Variants in ZDHHC15 observed in about 807,000 individuals in gnomAD.
ZDHHC15 encodes the protein zDHHC palmitoyltransferase 15.
ZDHHC15 carries 19 observed loss-of-function variants against 31.7 expected under a neutral mutation model. That is an observed-to-expected ratio of 0.60 (90% confidence interval 0.42 to 0.88). ZDHHC15 has a LOEUF of 0.88. Ranked by LOEUF, ZDHHC15 falls within the 40% of genes least tolerant of loss-of-function variation. The pLI is 0.00. For missense variants in ZDHHC15, 209 were observed against 251.2 expected (o/e 0.83, Z 1.14); for synonymous variants, 103 against 90.0 (o/e 1.14, Z -0.82).
intron 10 of ZDHHC15, among the ~76,000 whole-genome samples, chrX:75,387,378 C>A (rs1297905484): frequency 9.0e-6 from 1 of 111,357 alleles, no homozygotes; most frequent in African/African-American, 3.3e-5. Context: ...CTCTGATCAG[C>A]AATTCAAAAT....
intron 10 of ZDHHC15, among the ~76,000 whole-genome samples, chrX:75,393,396 T>C (rs2083266869): frequency 9.0e-6 from 1 of 111,225 alleles, no homozygotes; most frequent in Non-Finnish European, 1.9e-5. Flanking sequence ...TCATTTTCCT[T>C]CACCAGTTTT....
At chrX:75,373,640 A>G (rs772537183) in intron 11 of ZDHHC15, among the ~76,000 whole-genome samples, 2 of 111,529 alleles carry the variant, frequency 1.8e-5, no homozygotes, top group Admixed American at 1.9e-4. Flanking sequence ...TGATGATGGA[A>G]AATTGGATAA....
chrX:75,421,862 A>G lies in ZDHHC15; in HGVS notation c.863+2T>C. The G allele has an allele frequency of 8.3e-7, 1 of 1,207,906 alleles. No homozygotes were observed. The highest frequency in any genetic ancestry group is 1.7e-5 in the African/African-American group (1 of 57,398). On this transcript the variant is annotated splice_donor_variant, in intron 9 of 11. Transcript: ENST00000373367. LOFTEE classifies it high-confidence loss of function. ...CTTCTTCCAGTGGTAATATTTACTCACCTGGAACCAATAGGTATTAACCAG... is the reference window on the plus strand; with the variant it reads ...CTTCTTCCAGTGGTAATATTTACTCGCCTGGAACCAATAGGTATTAACCAG...
rs775074846 is a variant in ZDHHC15 at position 75,508,289 on chromosome X, TC to T, written c.137-2443del. On this transcript the variant is annotated intron_variant, in intron 1 of 11. Coordinates refer to ENST00000373367, the MANE Select transcript of ZDHHC15 (RefSeq NM_144969.3). ...TAGGTATATCTCCTAATGCTATCCC[TC>T]CCCCCTCCCCCCACCCCACAATAGG... Among the ~76,000 whole-genome samples the T allele has an allele frequency of 2.1e-3, 118 of 54,984 alleles. 1 individual carries two copies. Among genetic ancestry groups the T allele is most frequent in the African/African-American group, 8.5e-3 (116 of 13,638 alleles). 47.7% of individuals were successfully genotyped at this position (54,984 alleles called of 115,157 possible).
chrX:75,487,991 A>T (rs927222797), intron 2 of ZDHHC15, among the ~76,000 whole-genome samples: 1 of 112,491 alleles, frequency 8.9e-6, no homozygotes, highest in African/African-American at 3.2e-5. Context: ...AAAAATAATT[A>T]AAAAATGAAC....
At chrX:75,409,821 C>CAAAAAA in intron 10 of ZDHHC15, among the ~76,000 whole-genome samples, 1 of 51,612 alleles carries the variant, frequency 1.9e-5, no homozygotes, top group East Asian at 6.2e-4. Flanking sequence ...AAAAAAAAAA[C>CAAAAAA]AACAACAACA....
At chrX:75,437,890 G>A (rs1239821274) in intron 4 of ZDHHC15, among the ~76,000 whole-genome samples, 1 of 110,639 alleles carries the variant, frequency 9.0e-6, no homozygotes, top group Non-Finnish European at 1.9e-5. Flanking sequence ...CTGACAAAGG[G>A]CTAATATCCA....
At chrX:75,407,121 G>A (rs1304270341) in intron 10 of ZDHHC15, among the ~76,000 whole-genome samples, 3 of 112,226 alleles carry the variant, frequency 2.7e-5, no homozygotes, top group Non-Finnish European at 5.6e-5. Flanking sequence ...TGGGAAGTGA[G>A]GAGCGTCTCT....
At chrX:75,420,468 G>C (rs909837581) in intron 9 of ZDHHC15, among the ~76,000 whole-genome samples, 1 of 111,182 alleles carries the variant, frequency 9.0e-6, no homozygotes, top group African/African-American at 3.3e-5. Context: ...TATACCCATC[G>C]GATTATAAAT....
At chrX:75,437,734 C>T (rs1484251421) in intron 4 of ZDHHC15, among the ~76,000 whole-genome samples, 2 of 108,318 alleles carry the variant, frequency 1.8e-5, no homozygotes, top group Admixed American at 2.0e-4. Context: ...GTGAATAATG[C>T]CACAATAAAC....
chrX:75,521,543 G>T (rs1487230918), intron 1 of ZDHHC15, among the ~76,000 whole-genome samples: 1 of 110,886 alleles, frequency 9.0e-6, no homozygotes, highest in Non-Finnish European at 1.9e-5. Flanking sequence ...GTAGAATTCT[G>T]AGTTTGAATG....
rs750478003 is a variant in ZDHHC15 at position 75,445,974 on chromosome X, C to G, written c.379+4828G>C. 1.4e-4 allele frequency among the ~76,000 whole-genome samples: 15 copies of G among 110,998 alleles called. No homozygotes were observed. The South Asian group carries it at 5.4e-3, about 40-fold the overall frequency. Reference sequence around the variant, plus strand: ...AGACAATGTTGATTCTCCTCTGGACCCATCCCTCTTTGCTTCTAAGGCCTA... The same window carrying G: ...AGACAATGTTGATTCTCCTCTGGACGCATCCCTCTTTGCTTCTAAGGCCTA... On this transcript the variant is annotated intron_variant, in intron 4 of 11. Transcript: ENST00000373367.
chrX:75,442,132 G>C (rs1435347522), intron 4 of ZDHHC15, among the ~76,000 whole-genome samples: 2 of 112,196 alleles, frequency 1.8e-5, no homozygotes, highest in East Asian at 5.6e-4. Flanking sequence ...GTGTCTTTGT[G>C]AGAGTTTTTC....
intron 2 of ZDHHC15, among the ~76,000 whole-genome samples, chrX:75,491,110 G>A (rs1433706926): frequency 9.0e-6 from 1 of 111,360 alleles, no homozygotes; most frequent in Non-Finnish European, 1.9e-5. Flanking sequence ...ATTGGACCCA[G>A]CCATCCCATT....
intron 7 of ZDHHC15, among the ~76,000 whole-genome samples, chrX:75,425,642 T>C (rs1217776334): frequency 8.9e-6 from 1 of 112,097 alleles, no homozygotes; most frequent in African/African-American, 3.2e-5. Flanking sequence ...CCTCCTTCCC[T>C]GTGATGATTA....
chrX:75,510,299 G>A (rs2085241094), intron 1 of ZDHHC15, among the ~76,000 whole-genome samples: 1 of 110,866 alleles, frequency 9.0e-6, no homozygotes, highest in African/African-American at 3.3e-5. Context: ...TAAAACCATT[G>A]GAGTTATATT....
intron 10 of ZDHHC15, among the ~76,000 whole-genome samples, chrX:75,400,646 T>G (rs756876139): frequency 8.9e-6 from 1 of 111,744 alleles, no homozygotes; most frequent in East Asian, 2.8e-4. Flanking sequence ...TGCAAGATTC[T>G]ACACAAGAAG....
intron 2 of ZDHHC15, among the ~76,000 whole-genome samples, chrX:75,495,930 AT>A (rs1178005198): frequency 9.2e-6 from 1 of 109,175 alleles, no homozygotes; most frequent in Non-Finnish European, 1.9e-5. Context: ...TTGAAGCATA[AT>A]TAAAAAAAAA....
chrX:75,415,102 G>A (rs748251767), intron 10 of ZDHHC15, among the ~76,000 whole-genome samples: 1 of 111,356 alleles, frequency 9.0e-6, no homozygotes, highest in Non-Finnish European at 1.9e-5. Context: ...TAAATGAAAT[G>A]TTATATTTTG....
Sources: gnomAD v4.1 joint callset for allele counts (sites outside exome capture counted in the v4.1 genomes callset) on GRCh38, gnomAD v4.1.1 for gene constraint, MANE v1.5 for transcripts, NCBI Gene and HGNC (gene_info 2026-07-23, HGNC 2026-07-21) for gene names.